Variants in FAM135B observed in about 807,000 individuals in gnomAD.
The protein encoded by FAM135B is family with sequence similarity 135 member B, also known as protein FAM135B.
FAM135B carries 43 observed loss-of-function variants against 127.7 expected under a neutral mutation model. That is an observed-to-expected ratio of 0.34 (90% CI 0.26 to 0.43). The LOEUF (loss-of-function observed/expected upper bound fraction) is 0.43. Among genes scored for constraint, FAM135B ranks in the 20% least tolerant of loss-of-function variants. FAM135B has a pLI of 1.00. For missense variants in FAM135B, 1,558 were observed against 1,725.6 expected (o/e 0.90, Z 1.72); for synonymous variants, 670 against 665.1 (o/e 1.01, Z -0.11).
intron 2 of FAM135B, among the ~76,000 whole-genome samples, chr8:138,355,916 A>G (rs1830062552): frequency 6.6e-6 from 1 of 152,208 alleles, no homozygotes; most frequent in African/African-American, 2.4e-5. Flanking sequence ...AACGGTGTTA[A>G]GAGGTGAGGC....
At position 138,452,575 on chromosome 8, in the gene FAM135B, A is replaced by G. The variant is rs537428717; in HGVS notation, c.-20+44096T>C. On this transcript the variant is annotated intron_variant, in intron 1 of 19. Transcript: ENST00000395297. Reference sequence around the variant, plus strand: ...CATCCTTCTGTGTCTTTTCCACTACACTGTAATAATTATCTACACTGGTTA... The same window carrying G: ...CATCCTTCTGTGTCTTTTCCACTACGCTGTAATAATTATCTACACTGGTTA... Among the ~76,000 whole-genome samples, 4 of 152,040 alleles carry G rather than the reference A, an allele frequency of 2.6e-5. No homozygotes were observed. The South Asian group carries it at 6.2e-4, about 24-fold the overall frequency.
At chr8:138,294,507 A>G (rs894788181) in intron 3 of FAM135B, among the ~76,000 whole-genome samples, 1 of 152,226 alleles carries the variant, frequency 6.6e-6, no homozygotes, top group African/African-American at 2.4e-5. Context: ...AAAGCTGTCC[A>G]CATCATCATT....
intron 3 of FAM135B, among the ~76,000 whole-genome samples, chr8:138,303,248 T>C (rs1288281284): frequency 6.6e-6 from 1 of 152,214 alleles, no homozygotes; most frequent in African/African-American, 2.4e-5. Flanking sequence ...TGGAGTATTA[T>C]GCAGCCATAA....
chr8:138,407,417 C>T (rs936188797), intron 1 of FAM135B, among the ~76,000 whole-genome samples: 1 of 152,154 alleles, frequency 6.6e-6, no homozygotes, highest in African/African-American at 2.4e-5. Flanking sequence ...CTTTAAAGTT[C>T]ATATGGAACC....
intron 1 of FAM135B, chr8:138,441,500 C>T (rs1235882179): frequency 6.6e-6 from 1 of 152,196 alleles, no homozygotes; most frequent in Non-Finnish European, 1.5e-5. Context: ...ATCAGCATCA[C>T]TATTGTGTGA....
intron 7 of FAM135B, among the ~76,000 whole-genome samples, chr8:138,234,132 C>T (rs900170657): frequency 1.3e-5 from 2 of 152,132 alleles, no homozygotes; most frequent in Non-Finnish European, 2.9e-5. Context: ...ATACTGCTGA[C>T]TTTTGCATTA....
chr8:138,219,776 T>C (rs1818878621), intron 7 of FAM135B, among the ~76,000 whole-genome samples: 1 of 152,220 alleles, frequency 6.6e-6, no homozygotes, highest in South Asian at 2.1e-4. Flanking sequence ...GGTTCTCCCT[T>C]GGAATAATCC....
intron 11 of FAM135B, among the ~76,000 whole-genome samples, chr8:138,174,465 C>T (rs960251827): frequency 6.6e-6 from 1 of 152,196 alleles, no homozygotes; most frequent in African/African-American, 2.4e-5. Context: ...AGCCTCACTT[C>T]TCTTCACAGC....
At chr8:138,483,290 G>A (rs1187099660) in intron 1 of FAM135B, among the ~76,000 whole-genome samples, 1 of 152,200 alleles carries the variant, frequency 6.6e-6, no homozygotes, top group African/African-American at 2.4e-5. Context: ...AGAAATGGAA[G>A]TACAGAGAGG....
intron 2 of FAM135B, among the ~76,000 whole-genome samples, chr8:138,349,695 G>A (rs976181879): frequency 3.9e-5 from 6 of 152,144 alleles, no homozygotes; most frequent in East Asian, 1.9e-4. Context: ...TTATGTGTGA[G>A]GATAGATGGA....
chr8:138,247,913 C>G (rs992677881), intron 6 of FAM135B, among the ~76,000 whole-genome samples: 1 of 152,244 alleles, frequency 6.6e-6, no homozygotes, highest in Non-Finnish European at 1.5e-5. Flanking sequence ...CTCTTATCCT[C>G]TGGATGTAGC....
intron 1 of FAM135B, among the ~76,000 whole-genome samples, chr8:138,446,253 C>T (rs898443122): frequency 6.6e-6 from 1 of 152,124 alleles, no homozygotes; most frequent in Non-Finnish European, 1.5e-5. Flanking sequence ...AGATTCAGTG[C>T]CATCCCCATC....
At chr8:138,411,621 C>A (rs977179310) in intron 1 of FAM135B, among the ~76,000 whole-genome samples, 6 of 152,014 alleles carry the variant, frequency 3.9e-5, no homozygotes, top group Non-Finnish European at 8.8e-5. Flanking sequence ...GCAACAAAAG[C>A]CAAAATTGAC....
intron 12 of FAM135B, among the ~76,000 whole-genome samples, chr8:138,153,757 T>C (rs978212888): frequency 6.6e-6 from 1 of 152,134 alleles, no homozygotes; most frequent in Non-Finnish European, 1.5e-5. Flanking sequence ...CCACCATTGC[T>C]GAGGCTTGAG....
chr8:138,406,711 C>G (rs184234575), intron 1 of FAM135B, among the ~76,000 whole-genome samples: 31 of 151,128 alleles, frequency 2.1e-4, no homozygotes, highest in African/African-American at 6.6e-4. Context: ...ATTCAACAAC[C>G]GTTCATGCTA....
At chr8:138,155,876 A>G (rs1429117842) in intron 12 of FAM135B, among the ~76,000 whole-genome samples, 1 of 152,184 alleles carries the variant, frequency 6.6e-6, no homozygotes, top group African/African-American at 2.4e-5. Context: ...TGTCAATATT[A>G]GACAGATGAA....
At chr8:138,162,634 A>AAAAT (rs1185897611) in intron 12 of FAM135B, among the ~76,000 whole-genome samples, 1 of 152,200 alleles carries the variant, frequency 6.6e-6, no homozygotes, top group South Asian at 2.1e-4. Context: ...AAGTCTTTAA[A>AAAAT]AAATGAAAAA....
intron 1 of FAM135B, among the ~76,000 whole-genome samples, chr8:138,388,656 A>G (rs962339925): frequency 9.9e-5 from 15 of 152,242 alleles, no homozygotes; most frequent in Admixed American, 8.5e-4. Context: ...AATGCTATAT[A>G]CCATATGATT....
intron 1 of FAM135B, among the ~76,000 whole-genome samples, chr8:138,394,633 C>T (rs965539262): frequency 7.2e-5 from 11 of 152,120 alleles, no homozygotes; most frequent in Admixed American, 6.5e-5. Flanking sequence ...ATCTGACTTC[C>T]GTGAATGTCA....
Sources: allele counts gnomAD v4.1 joint callset (sites outside exome capture counted in the v4.1 genomes callset), GRCh38; gene constraint gnomAD v4.1.1; transcripts MANE v1.5; gene names NCBI Gene and HGNC (gene_info 2026-07-23, HGNC 2026-07-21).